SEMA3C: variants seen among roughly 807,000 people sequenced by gnomAD.
SEMA3C encodes semaphorin-3C.
Under a neutral mutation model 89.4 loss-of-function variants are expected in SEMA3C, and 47 were observed. That is an observed-to-expected ratio of 0.53 (90% CI 0.42 to 0.67). The LOEUF is 0.67. Ranked by LOEUF, SEMA3C falls within the 30% of genes least tolerant of loss-of-function variation. The pLI is 0.00. For synonymous variants in SEMA3C, 310 were observed against 320.2 expected (o/e 0.97, Z 0.34); for missense variants, 839 against 929.1 (o/e 0.90, Z 1.26).
At position 80,792,243 on chromosome 7, in the gene SEMA3C, T is replaced by C. The variant is rs377105119; in HGVS notation, c.1132-2715A>G. On this transcript the variant is annotated intron_variant, in intron 11 of 17. Transcript: ENST00000265361. ...AGCTGATGAACGTGTTCCATACTTC[T>C]GCAAAATATAGAATTATGGGTGTTT... 1.7e-3 allele frequency among the ~76,000 whole-genome samples: 256 copies of C among 152,338 alleles called. 2 individuals carry two copies. Among genetic ancestry groups the C allele is most frequent in the African/African-American group, 5.7e-3 (237 of 41,580 alleles).
intron 15 of SEMA3C, among the ~76,000 whole-genome samples, chr7:80,753,797 C>T (rs930220298): frequency 9.9e-5 from 15 of 152,142 alleles, no homozygotes; most frequent in African/African-American, 3.4e-4. Flanking sequence ...AATAAAGTTT[C>T]TAACTACTTG....
At chr7:80,911,194 T>C (rs1285590371) in intron 2 of SEMA3C, among the ~76,000 whole-genome samples, 3 of 152,226 alleles carry the variant, frequency 2.0e-5, no homozygotes, top group South Asian at 4.1e-4. Context: ...TAACATGATA[T>C]GTTTACAGAA....
intron 15 of SEMA3C, among the ~76,000 whole-genome samples, chr7:80,754,251 T>G (rs894270338): frequency 2.0e-5 from 3 of 152,212 alleles, no homozygotes; most frequent in African/African-American, 7.2e-5. Context: ...TACTATAGTT[T>G]TTTTTAAAAA....
At chr7:80,811,603 A>T (rs1463862008) in intron 5 of SEMA3C, among the ~76,000 whole-genome samples, 8 of 152,206 alleles carry the variant, frequency 5.3e-5, no homozygotes, top group African/African-American at 1.9e-4. Flanking sequence ...AAGGAATCTT[A>T]ATTATCAAGC....
intron 17 of SEMA3C, among the ~76,000 whole-genome samples, chr7:80,746,970 C>G (rs1393236109): frequency 1.3e-5 from 2 of 151,756 alleles, no homozygotes; most frequent in Non-Finnish European, 2.9e-5. Context: ...GAGCTTTTAT[C>G]ATTTGTCTTA....
rs1788110286 is a variant in SEMA3C at position 80,758,333 on chromosome 7, T to A, written c.1641A>T (p.Lys547Asn). Residue 547 changes from lysine (K) to asparagine (N), a missense_variant and splice_region_variant, in exon 15 of 18, where the codon AAA (lysine) becomes AAT (asparagine). Coordinates refer to ENST00000265361, the MANE Select transcript of SEMA3C (RefSeq NM_006379.5). ...TGAGCCGAGTGTTTAGTGCTCACCG[T>A]TTCCCAGTTGGGTAGAATCTGGAAC... ...HSCSRFYPTG[K>N]RRSRRQDVRH... The A allele has an allele frequency of 6.2e-7, 1 of 1,612,614 alleles. No individual in the cohort carries two copies. Among genetic ancestry groups the A allele is most frequent in the South Asian group, 1.1e-5 (1 of 90,958 alleles).
intron 2 of SEMA3C, among the ~76,000 whole-genome samples, chr7:80,912,834 T>C (rs913348715): frequency 2.8e-4 from 43 of 152,170 alleles, no homozygotes; most frequent in Admixed American, 5.2e-4. Context: ...ACAAAAACTA[T>C]TTCAACAAAC....
intron 2 of SEMA3C, among the ~76,000 whole-genome samples, chr7:80,882,874 A>AT (rs1193844556): frequency 6.6e-6 from 1 of 152,074 alleles, no homozygotes; most frequent in East Asian, 1.9e-4. Flanking sequence ...ACATATGAAA[A>AT]TTTAAAAAAG....
chr7:80,855,930 G>A (rs1790627910), intron 2 of SEMA3C, among the ~76,000 whole-genome samples: 2 of 151,960 alleles, frequency 1.3e-5, no homozygotes, highest in Non-Finnish European at 2.9e-5. Context: ...AACTAGACTC[G>A]GCAAGGAGTT....
chr7:80,841,159 A>G (rs1790259262), intron 2 of SEMA3C, among the ~76,000 whole-genome samples: 1 of 152,158 alleles, frequency 6.6e-6, no homozygotes, highest in East Asian at 1.9e-4. Context: ...CAATGAAACA[A>G]ATCCGAGCAA....
chr7:80,777,365 C>A (rs1209125947), intron 12 of SEMA3C, among the ~76,000 whole-genome samples: 1 of 152,058 alleles, frequency 6.6e-6, no homozygotes, highest in African/African-American at 2.4e-5. Flanking sequence ...AATCTCAGCT[C>A]ACTGCAACCT....
chr7:80,752,879 C>T (rs904906698), intron 15 of SEMA3C, among the ~76,000 whole-genome samples: 1 of 152,050 alleles, frequency 6.6e-6, no homozygotes, highest in East Asian at 1.9e-4. Flanking sequence ...AAAGTATACT[C>T]GAGTGAGCAT....
chr7:80,805,586 A>G, intron 7 of SEMA3C, 53 bp downstream of exon 7: 2 of 1,502,318 alleles, frequency 1.3e-6, no homozygotes, highest in Non-Finnish European at 1.8e-6. Flanking sequence ...ATAGAATTAA[A>G]TAAGTTAGTT....
At chr7:80,835,817 G>A (rs1414512627) in intron 2 of SEMA3C, among the ~76,000 whole-genome samples, 4 of 152,046 alleles carry the variant, frequency 2.6e-5, no homozygotes, top group East Asian at 1.9e-4. Flanking sequence ...CTTTGCATTC[G>A]GTTCTAATAT....
chr7:80,854,056 A>C (rs918622824), intron 2 of SEMA3C, among the ~76,000 whole-genome samples: 1 of 152,214 alleles, frequency 6.6e-6, no homozygotes, highest in Non-Finnish European at 1.5e-5. Flanking sequence ...CAGGTCATTG[A>C]GAAATGTAAA....
intron 14 of SEMA3C, 125 bp from the exon 15 acceptor site, chr7:80,758,613 A>G: frequency 1.0e-6 from 1 of 961,386 alleles, no homozygotes. Flanking sequence ...AAAAACATGA[A>G]GCAAAGCACA....
intron 15 of SEMA3C, among the ~76,000 whole-genome samples, 160 bp from the exon 16 acceptor site, chr7:80,751,496 T>A (rs79454752): frequency 0.01 from 1,551 of 150,628 alleles, 17 homozygotes; most frequent in African/African-American, 0.035. Context: ...TCACATTTCT[T>A]ATACAATTTA....
At chr7:80,898,666 CG>C (rs202146245) in intron 2 of SEMA3C, among the ~76,000 whole-genome samples, 1,613 of 152,080 alleles carry the variant, frequency 0.011, 25 homozygotes, top group African/African-American at 0.037. Flanking sequence ...AATCAGGACA[CG>C]CAGGTAGGGA....
At chr7:80,912,775 G>A (rs1034874293) in intron 2 of SEMA3C, among the ~76,000 whole-genome samples, 11 of 152,058 alleles carry the variant, frequency 7.2e-5, no homozygotes, top group Middle Eastern at 3.2e-3. Flanking sequence ...CAAGATTAAC[G>A]GAGAAATCAA....
Sources: allele counts gnomAD v4.1 joint callset (sites outside exome capture counted in the v4.1 genomes callset), GRCh38; gene constraint gnomAD v4.1.1; transcripts MANE v1.5; gene names NCBI Gene and HGNC (gene_info 2026-07-23, HGNC 2026-07-21).